Variants in CA4 observed in about 807,000 individuals in gnomAD.
CA4 encodes the protein CA-IV.
In CA4, 24 loss-of-function variants were observed where a neutral mutation model predicts 34.5. That is an observed-to-expected ratio of 0.70 (90% confidence interval 0.50 to 0.98). The LOEUF is 0.98. CA4 is among the 50% of genes least tolerant of loss of function. CA4 has a pLI of 0.00. For synonymous variants in CA4, 178 were observed against 170.6 expected (o/e 1.04, Z -0.34); for missense variants, 394 against 396.7 (o/e 0.99, Z 0.06).
At chr17:60,174,517 G>A (rs1401589692), downstream of CA4, among the ~76,000 whole-genome samples, 2 of 151,426 alleles carry the variant, frequency 1.3e-5, no homozygotes, top group Non-Finnish European at 2.9e-5. Context: ...AGTCCCCATC[G>A]CTCCCCATTC....
chr17:60,161,748 G>T (rs1488008654), downstream of CA4, among the ~76,000 whole-genome samples: 2 of 151,794 alleles, frequency 1.3e-5, no homozygotes, highest in Admixed American at 6.6e-5. Flanking sequence ...ACGCAGCTGT[G>T]GGGGAGGGGT....
At chr17:60,172,714 T>A (rs1464886495), downstream of CA4, among the ~76,000 whole-genome samples, 1 of 151,134 alleles carries the variant, frequency 6.6e-6, no homozygotes, top group Non-Finnish European at 1.5e-5. Context: ...TGTGGTGGCG[T>A]GCGGCTGCAA....
At chr17:60,160,417 C>T (rs570648444), downstream of CA4, among the ~76,000 whole-genome samples, 11 of 152,312 alleles carry the variant, frequency 7.2e-5, no homozygotes, top group East Asian at 2.1e-3. Context: ...ATAAATGAAG[C>T]AGGCATGTTG....
the CA4 span, among the ~76,000 whole-genome samples, chr17:60,177,982 GAAAT>G: frequency 6.6e-6 from 1 of 151,874 alleles, no homozygotes; most frequent in Admixed American, 6.6e-5. Context: ...AATGCTACCT[GAAAT>G]AAATAATATT....
rs1473548228 is a variant in CA4 at position 60,150,181 on chromosome 17, C to T, written c.58+89C>T. 7.8e-6 allele frequency: 9 copies of T among 1,151,992 alleles called. No individual in the cohort carries two copies. In the African/African-American group the frequency reaches 1.2e-4, roughly 16 times the overall value. 71.4% of individuals were successfully genotyped at this position (1,151,992 alleles called of 1,614,324 possible). A position where few individuals can be genotyped will look rare whatever the true frequency, so the allele number is the denominator to read the frequency against. ...CCCCTGCAGAGGATCCCCCCGCGGG[C>T]GACCGGTGAGCGTCGGTGGCGCTGG... On this transcript the variant is annotated intron_variant, in intron 1 of 7. Transcript: ENST00000300900.
In CA4 at chr17:60,150,067, C is replaced by G. The variant is rs765259387; in HGVS notation, c.33C>G (p.Ser11=). 3.1e-6 allele frequency: 5 copies of G among 1,600,328 alleles called. No homozygotes were observed. In the African/African-American group the frequency reaches 5.3e-5, roughly 17 times the overall value. Residue 11 remains serine (S), a synonymous_variant, in exon 1 of 8, where the codon TCC becomes TCG. Transcript: ENST00000300900. MRMLLALLAL[S]AARPSASAES... is the part of the protein sequence containing the mutation. Reference sequence around the variant, plus strand: ...TGCTGCTGGCGCTCCTGGCCCTCTCCGCGGCGCGGCCATCGGCCAGTGCAG... The same window carrying G: ...TGCTGCTGGCGCTCCTGGCCCTCTCGGCGGCGCGGCCATCGGCCAGTGCAG...
At chr17:60,152,531 A>G (rs1484395158) in intron 1 of CA4, among the ~76,000 whole-genome samples, 1 of 152,214 alleles carries the variant, frequency 6.6e-6, no homozygotes, top group African/African-American at 2.4e-5. Flanking sequence ...AAGAAAAGCT[A>G]AGCCTGGACC....
In CA4 at chr17:60,158,288, A is replaced by C. The variant is rs769106979; in HGVS notation, c.586A>C (p.Ser196Arg). The C allele has an allele frequency of 1.9e-6, 3 of 1,613,972 alleles. No homozygotes were observed. Among genetic ancestry groups the C allele is most frequent in the Non-Finnish European group, 1.7e-6 (2 of 1,179,976 alleles). Residue 196 changes from serine to arginine, a missense_variant, in exon 7 of 8, where the codon AGC (serine) becomes CGC (arginine). Physicochemically the swap from Ser to Arg is moderately radical, Grantham distance 110. Transcript: ENST00000300900. Reference sequence around the variant, plus strand: ...GTCCTCTGCCCCTATCTCAGAGATGAGCACTACGATGGCAGAGAGCAGCCT... The same window carrying C: ...GTCCTCTGCCCCTATCTCAGAGATGCGCACTACGATGGCAGAGAGCAGCCT... ...ALSNIPKPEM[S>R]TTMAESSLLD...
At chr17:60,153,034 T>G (rs2145256275) in intron 1 of CA4, among the ~76,000 whole-genome samples, 1 of 152,234 alleles carries the variant, frequency 6.6e-6, no homozygotes, top group South Asian at 2.1e-4. Context: ...ATTCCTAATT[T>G]TGCTTTAAAA....
At position 60,157,301 on chromosome 17, in the gene CA4, C is replaced by A; in HGVS notation, c.269-126C>A. 12 of 842,090 alleles carry A rather than the reference C, an allele frequency of 1.4e-5. 1 individual carries two copies. In the Admixed American group the frequency reaches 2.5e-4, roughly 18 times the overall value. 52.2% of individuals were successfully genotyped at this position (842,090 alleles called of 1,614,324 possible). Reference sequence around the variant, plus strand: ...TCCCACCCCGCGCCACCCCTGCAGGCCAGAACCAGAGCTCATGAAGGTTGG... The same window carrying A: ...TCCCACCCCGCGCCACCCCTGCAGGACAGAACCAGAGCTCATGAAGGTTGG... On this transcript the variant is annotated intron_variant, in intron 3 of 7. Coordinates refer to ENST00000300900, the MANE Select transcript of CA4 (RefSeq NM_000717.5).
chr17:60,150,927 CG>C (rs2083581118), intron 1 of CA4, among the ~76,000 whole-genome samples: 1 of 130,544 alleles, frequency 7.7e-6, no homozygotes. Context: ...GGGAGCCTGG[CG>C]GGGGCGGGGG....
chr17:60,174,371 A>T (rs2083938736), downstream of CA4, among the ~76,000 whole-genome samples: 1 of 151,726 alleles, frequency 6.6e-6, no homozygotes, highest in South Asian at 2.1e-4. Context: ...ACTTTGTATT[A>T]ATATCTGGGT....
chr17:60,159,158 C>G, intron 7 of CA4, 72 bp from the exon 8 acceptor site: 1 of 1,370,992 alleles, frequency 7.3e-7, no homozygotes, highest in Non-Finnish European at 1.0e-6. Context: ...GGATGAGGTG[C>G]CTGCCTGAGG....
chr17:60,159,585 C>G (rs766999620), downstream of CA4: 60 of 791,438 alleles, frequency 7.6e-5, no homozygotes, highest in Non-Finnish European at 1.2e-4. Context: ...ACAACTACCC[C>G]ACCCTGTCCC....
chr17:60,156,501 G>T, intron 2 of CA4, 59 bp from the exon 3 acceptor site: 1 of 1,566,238 alleles, frequency 6.4e-7, no homozygotes. Context: ...GTGGGGTGGT[G>T]GGGGCTACAC....
downstream of CA4, among the ~76,000 whole-genome samples, chr17:60,163,534 G>A (rs1466540180): frequency 2.0e-5 from 3 of 148,898 alleles, no homozygotes; most frequent in Non-Finnish European, 4.5e-5. Flanking sequence ...AACTGTTCCT[G>A]CACCTCGCAC....
In CA4 at chr17:60,155,309, T is replaced by C. The variant is rs777716063; in HGVS notation, c.59-5T>C. The C allele has an allele frequency of 5.0e-6, 8 of 1,611,014 alleles. No individual in the cohort carries two copies. In the South Asian group the frequency reaches 8.9e-5, roughly 18 times the overall value. On this transcript the variant is annotated splice_region_variant and splice_polypyrimidine_tract_variant and intron_variant, in intron 1 of 7. Coordinates refer to ENST00000300900, the MANE Select transcript of CA4 (RefSeq NM_000717.5). Reference sequence around the variant, plus strand: ...CACACTTCACACCCTTCCTCTCTGCTCCAGAGTCACACTGGTGCTACGAGG... The same window carrying C: ...CACACTTCACACCCTTCCTCTCTGCCCCAGAGTCACACTGGTGCTACGAGG...
chr17:60,154,433 C>G (rs1168320733), intron 1 of CA4, among the ~76,000 whole-genome samples: 2 of 152,300 alleles, frequency 1.3e-5, no homozygotes, highest in Middle Eastern at 3.4e-3. Context: ...GCCCCCTGAG[C>G]GGCTCAGCCA....
At chr17:60,163,991 C>G (rs769661231), downstream of CA4, among the ~76,000 whole-genome samples, 1 of 151,840 alleles carries the variant, frequency 6.6e-6, no homozygotes, top group Non-Finnish European at 1.5e-5. Context: ...AGAAGCCAGA[C>G]GTGGTGGCAC....
Sources: gnomAD v4.1 joint callset for allele counts (sites outside exome capture counted in the v4.1 genomes callset) on GRCh38, gnomAD v4.1.1 for gene constraint, MANE v1.5 for transcripts, NCBI Gene and HGNC (gene_info 2026-07-23, HGNC 2026-07-21) for gene names.